VWC2L: variants seen among roughly 807,000 people sequenced by gnomAD.
The protein encoded by VWC2L is von Willebrand factor C domain-containing protein 2-like.
Under a neutral mutation model 21.6 loss-of-function variants are expected in VWC2L, and 10 were observed. That is an observed-to-expected ratio of 0.46 (90% CI 0.29 to 0.78). VWC2L has a LOEUF of 0.78. Among genes scored for constraint, VWC2L ranks in the 30% least tolerant of loss-of-function variants. The pLI is 0.10. For synonymous variants in VWC2L, 96 were observed against 94.3 expected, an observed-to-expected ratio of 1.02 and a Z score of -0.10; for missense variants, 209 against 277.1, an observed-to-expected ratio of 0.75 and a Z score of 1.74.
chr2:214,538,252 G>A (rs1004131612), intron 3 of VWC2L, among the ~76,000 whole-genome samples: 1 of 152,042 alleles, frequency 6.6e-6, no homozygotes, highest in African/African-American at 2.4e-5. Flanking sequence ...CCTGGAAGCT[G>A]CTATCACTCT....
chr2:214,494,647 C>T (rs1225777396), intron 3 of VWC2L, among the ~76,000 whole-genome samples: 2 of 152,110 alleles, frequency 1.3e-5, no homozygotes, highest in African/African-American at 4.8e-5. Context: ...TTTTCCCAGA[C>T]GTTCTTAAAG....
intron 3 of VWC2L, among the ~76,000 whole-genome samples, chr2:214,539,782 C>T (rs775890554): frequency 4.6e-5 from 7 of 152,090 alleles, no homozygotes; most frequent in Non-Finnish European, 7.4e-5. Flanking sequence ...TAAATTACAG[C>T]TCACAAGCAT....
At chr2:214,414,650 C>T (rs911021813) in intron 2 of VWC2L, 67 bp downstream of exon 2, 6 of 1,508,568 alleles carry the variant, frequency 4.0e-6, no homozygotes, top group Non-Finnish European at 5.4e-6. Context: ...TACATTGCTA[C>T]ATTAAAGTCA....
intron 3 of VWC2L, among the ~76,000 whole-genome samples, chr2:214,471,486 T>G (rs900983398): frequency 1.8e-4 from 28 of 152,208 alleles, no homozygotes; most frequent in African/African-American, 6.8e-4. Context: ...TGTCAGTTAC[T>G]GTACACATGT....
chr2:214,444,193 G>A (rs1475019305), intron 3 of VWC2L, among the ~76,000 whole-genome samples: 1 of 151,954 alleles, frequency 6.6e-6, no homozygotes, highest in African/African-American at 2.4e-5. Context: ...GAGAAAGCAG[G>A]TTTGTAGAAC....
At chr2:214,466,658 A>T (rs1229343984) in intron 3 of VWC2L, among the ~76,000 whole-genome samples, 1 of 152,142 alleles carries the variant, frequency 6.6e-6, no homozygotes, top group Non-Finnish European at 1.5e-5. Context: ...CATTTTCTAT[A>T]GCTTCTACTA....
rs566401138 is a variant in VWC2L, at chr2:214,455,294, C to A, written c.520+18536C>A. On this transcript the variant is annotated intron_variant, in intron 3 of 3. Transcript: ENST00000312504. Reference sequence around the variant, plus strand: ...ATGAGTTAGCTTTGGAAGTTTGTATCTTTAAAGAATTATACCATTTTATCT... The same window carrying A: ...ATGAGTTAGCTTTGGAAGTTTGTATATTTAAAGAATTATACCATTTTATCT... Among the ~76,000 whole-genome samples the A allele has an allele frequency of 2.0e-4, 30 of 152,164 alleles. No individual in the cohort carries two copies. The East Asian group carries it at 5.2e-3, about 26-fold the overall frequency.
Position 214,411,687 on chromosome 2 carries a change from G to T in VWC2L, c.-180G>T, listed in dbSNP as rs1229922192. On this transcript the variant is annotated 5_prime_UTR_variant, in exon 1 of 4. Transcript: ENST00000312504. ...TTCATGCCTAAAAAATGTATTCTTT[G>T]GGTAATTAAAGAGGAACTGCTTTCT... 6.6e-6 allele frequency: 1 copy of T among 152,080 alleles called. No homozygotes were observed. Among genetic ancestry groups the T allele is most frequent in the African/African-American group, 2.4e-5 (1 of 41,408 alleles). 9.4% of individuals were successfully genotyped at this position (152,080 alleles called of 1,614,324 possible).
intron 3 of VWC2L, among the ~76,000 whole-genome samples, chr2:214,535,207 T>G (rs1689506969): frequency 6.6e-6 from 1 of 152,124 alleles, no homozygotes; most frequent in South Asian, 2.1e-4. Flanking sequence ...ATTTTTCAAT[T>G]TTGTATTTAA....
chr2:214,570,360 A>T (rs1690132287), intron 3 of VWC2L, among the ~76,000 whole-genome samples: 1 of 152,218 alleles, frequency 6.6e-6, no homozygotes, highest in Admixed American at 6.5e-5. Context: ...GAAAAACAGA[A>T]TGTGGAAAAT....
At chr2:214,437,138 G>A (rs1702689965) in intron 3 of VWC2L, among the ~76,000 whole-genome samples, 1 of 152,104 alleles carries the variant, frequency 6.6e-6, no homozygotes, top group Non-Finnish European at 1.5e-5. Flanking sequence ...ATAGGGTAGG[G>A]TAAATGCCAG....
intron 3 of VWC2L, among the ~76,000 whole-genome samples, chr2:214,450,146 G>A (rs13382215): frequency 0.16 from 24,234 of 152,116 alleles, 2,025 homozygotes; most frequent in East Asian, 0.25. Flanking sequence ...TTTGCGAATG[G>A]GGAAAGATGA....
At chr2:214,506,851 T>A (rs1250992441) in intron 3 of VWC2L, among the ~76,000 whole-genome samples, 1 of 152,114 alleles carries the variant, frequency 6.6e-6, no homozygotes, top group Non-Finnish European at 1.5e-5. Context: ...AACAATGGAA[T>A]ATAAATTACA....
intron 3 of VWC2L, among the ~76,000 whole-genome samples, chr2:214,517,193 C>T (rs1012874439): frequency 6.6e-6 from 1 of 152,226 alleles, no homozygotes; most frequent in African/African-American, 2.4e-5. Context: ...TTAACACCTC[C>T]TCCTTAAAAT....
At chr2:214,569,670 C>T (rs1690120782) in intron 3 of VWC2L, among the ~76,000 whole-genome samples, 1 of 152,154 alleles carries the variant, frequency 6.6e-6, no homozygotes, top group South Asian at 2.1e-4. Context: ...TTATGCCTCA[C>T]TCATCACTTC....
intron 3 of VWC2L, among the ~76,000 whole-genome samples, chr2:214,461,786 G>A (rs1703145634): frequency 6.6e-6 from 1 of 152,196 alleles, no homozygotes; most frequent in Non-Finnish European, 1.5e-5. Context: ...GGTAATGGCA[G>A]TGGCGGCAGT....
At chr2:214,452,599 G>T (rs1016397535) in intron 3 of VWC2L, among the ~76,000 whole-genome samples, 1 of 151,892 alleles carries the variant, frequency 6.6e-6, no homozygotes, top group Non-Finnish European at 1.5e-5. Context: ...TTTCTTTTTT[G>T]AATATGCCTA....
chr2:214,463,109 C>CT (rs1224842746), intron 3 of VWC2L, among the ~76,000 whole-genome samples: 6 of 151,930 alleles, frequency 3.9e-5, no homozygotes, highest in Admixed American at 6.6e-5. Context: ...GGATATAGTA[C>CT]TATATAAATG....
At chr2:214,416,062 C>T (rs1466268527) in intron 2 of VWC2L, among the ~76,000 whole-genome samples, 1 of 152,050 alleles carries the variant, frequency 6.6e-6, no homozygotes. Context: ...GCAGTCATAT[C>T]ACCCTTTTCT....
Sources: gnomAD v4.1 joint callset for allele counts (sites outside exome capture counted in the v4.1 genomes callset) on GRCh38, gnomAD v4.1.1 for gene constraint, MANE v1.5 for transcripts, NCBI Gene and HGNC (gene_info 2026-07-23, HGNC 2026-07-21) for gene names.